The following POF1B variants were observed in gnomAD, a reference collection of about 807,000 sequenced individuals.
POF1B encodes the protein POF1B actin binding protein.
Under a neutral mutation model 55.3 loss-of-function variants are expected in POF1B, and 53 were observed. The ratio of observed to expected loss-of-function variants is 0.96; its 90% CI spans 0.77 to 1.20. POF1B has a LOEUF of 1.20. Among genes scored for constraint, POF1B ranks in the 50% most tolerant of loss-of-function variants. The probability of loss-of-function intolerance (pLI) is 0.00; values close to 1 mark genes in which losing one functional copy is unlikely to be tolerated. For synonymous variants in POF1B, 188 were observed against 148.3 expected, an observed-to-expected ratio of 1.27 and a Z score of -1.95; for missense variants, 478 against 420.5, an observed-to-expected ratio of 1.14 and a Z score of -1.20.
At chrX:85,309,391 A>G (rs781267086) in intron 9 of POF1B, among the ~76,000 whole-genome samples, 200 of 110,938 alleles carry the variant, frequency 1.8e-3, no homozygotes, top group Non-Finnish European at 2.8e-3. Flanking sequence ...GAAAAAAAAT[A>G]CTTTTCCCTA....
At chrX:85,286,197 G>A (rs1243277688) in intron 15 of POF1B, among the ~76,000 whole-genome samples, 2 of 111,183 alleles carry the variant, frequency 1.8e-5, no homozygotes, top group Non-Finnish European at 3.8e-5. Context: ...GGAAATGGAA[G>A]TTGATTATTA....
At chrX:85,376,083 T>C (rs1318161110) in intron 2 of POF1B, among the ~76,000 whole-genome samples, 1 of 111,512 alleles carries the variant, frequency 9.0e-6, no homozygotes, top group African/African-American at 3.3e-5. Context: ...AAAATCACAG[T>C]GTTTGCTAAA....
At chrX:85,365,387 T>C (rs765317219) in intron 3 of POF1B, among the ~76,000 whole-genome samples, 13 of 112,064 alleles carry the variant, frequency 1.2e-4, no homozygotes, top group Admixed American at 2.8e-4. Context: ...TGTGTGTGGG[T>C]GTTCCTTTAA....
chrX:85,357,472 T>C (rs1296915791), intron 4 of POF1B, among the ~76,000 whole-genome samples: 1 of 111,139 alleles, frequency 9.0e-6, no homozygotes, highest in Non-Finnish European at 1.9e-5. Flanking sequence ...TCATCTCATC[T>C]TCTCACCCAT....
chrX:85,320,565 A>G (rs1932827322), intron 7 of POF1B, among the ~76,000 whole-genome samples: 1 of 111,536 alleles, frequency 9.0e-6, no homozygotes, highest in African/African-American at 3.3e-5. Flanking sequence ...TTCAAAAGCT[A>G]GCAGAAGGCA....
rs1933441841 is a variant in POF1B at position 85,354,248 on chromosome X, A to G, written c.439-2797T>C. ...TATTGTAATATAATATTTAAAATCCATACTGTGTTTTAAATAATATTGATA... is the reference window on the plus strand; with the variant it reads ...TATTGTAATATAATATTTAAAATCCGTACTGTGTTTTAAATAATATTGATA... On this transcript the variant is annotated intron_variant, in intron 4 of 16. Transcript: ENST00000262753. Among the ~76,000 whole-genome samples, 3 of 111,018 alleles carry G rather than the reference A, an allele frequency of 2.7e-5. No homozygotes were observed. The Admixed American group carries it at 2.9e-4, about 11-fold the overall frequency.
At chrX:85,335,033 G>T (rs1391099925) in intron 6 of POF1B, among the ~76,000 whole-genome samples, 1 of 111,078 alleles carries the variant, frequency 9.0e-6, no homozygotes, top group Non-Finnish European at 1.9e-5. Context: ...TGTAGTCAAG[G>T]AACAAATGAC....
At chrX:85,312,971 CTGTT>C (rs1344645169) in intron 9 of POF1B, among the ~76,000 whole-genome samples, 1 of 111,648 alleles carries the variant, frequency 9.0e-6, no homozygotes, top group Non-Finnish European at 1.9e-5. Flanking sequence ...ATTTGGCCCT[CTGTT>C]TGTCTATTAT....
chrX:85,323,070 C>T (rs992329620), intron 7 of POF1B, among the ~76,000 whole-genome samples: 3 of 110,870 alleles, frequency 2.7e-5, no homozygotes, highest in African/African-American at 9.9e-5. Context: ...AGAAATACCA[C>T]TTGACCCAGC....
chrX:85,313,827 C>CT (rs1002113559), intron 9 of POF1B, among the ~76,000 whole-genome samples: 20 of 107,970 alleles, frequency 1.9e-4, no homozygotes, highest in East Asian at 5.8e-4. Context: ...TTTCTTTTTT[C>CT]TTTTTTTTTG....
intron 6 of POF1B, among the ~76,000 whole-genome samples, chrX:85,337,071 G>A (rs1933090575): frequency 8.9e-6 from 1 of 111,785 alleles, no homozygotes. Context: ...CCCAATGCGT[G>A]TTCATAGCAC....
chrX:85,296,246 G>T, intron 15 of POF1B, among the ~76,000 whole-genome samples: 1 of 111,636 alleles, frequency 9.0e-6, no homozygotes, highest in Admixed American at 9.5e-5. Context: ...TTCAAGGTTA[G>T]TTAGTATCGA....
chrX:85,370,084 G>A (rs904028043), intron 2 of POF1B, among the ~76,000 whole-genome samples: 5 of 111,944 alleles, frequency 4.5e-5, no homozygotes, highest in East Asian at 2.8e-4. Context: ...ATACAAAAGC[G>A]TACTAAGAAG....
At position 85,312,570 on chromosome X, in the gene POF1B, T is replaced by C. The variant is rs1303253552; in HGVS notation, c.957+1862A>G. ...GGTACCGGTACCATGCTGTTTTTGT[T>C]ACTGAAGCCTTGTAGTATAGTTTGA... On this transcript the variant is annotated intron_variant, in intron 9 of 16. Transcript: ENST00000262753. Among the ~76,000 whole-genome samples the C allele has an allele frequency of 2.7e-5, 3 of 111,650 alleles. No individual in the cohort carries two copies. The Admixed American group carries it at 2.9e-4, about 11-fold the overall frequency.
chrX:85,355,276 T>A (rs1364267892), intron 4 of POF1B, among the ~76,000 whole-genome samples: 2 of 111,733 alleles, frequency 1.8e-5, no homozygotes, highest in African/African-American at 3.3e-5. Flanking sequence ...TGAAACTGGA[T>A]CCCTTCCTTA....
At chrX:85,302,690 T>C (rs1932484985) in intron 15 of POF1B, among the ~76,000 whole-genome samples, 1 of 111,758 alleles carries the variant, frequency 8.9e-6, no homozygotes, top group Non-Finnish European at 1.9e-5. Context: ...TCCAACTGAT[T>C]AATCAATAAA....
intron 14 of POF1B, 115 bp downstream of exon 14, chrX:85,304,228 A>C: frequency 1.3e-6 from 1 of 765,250 alleles, no homozygotes; most frequent in South Asian, 6.2e-5. Flanking sequence ...TATTTCATTA[A>C]ATAAAGTGAC....
At chrX:85,328,172 A>G (rs757663092) in intron 7 of POF1B, among the ~76,000 whole-genome samples, 2 of 69,173 alleles carry the variant, frequency 2.9e-5, no homozygotes, top group South Asian at 1.4e-3. Context: ...TATCTTTTTT[A>G]TTTATTTATT....
Position 85,370,010 on chromosome X carries a change from A to T in POF1B, c.283-2244T>A, listed in dbSNP as rs1035256764. The stretch of plus-strand genomic sequence containing the variant: ...CTCTGTCCTTCTTGTAACCAATTCA[A>T]ATATGATGGCATTAGCAAATGAAAC... On this transcript the variant is annotated intron_variant, in intron 2 of 16. Transcript: ENST00000262753. 7.1e-5 allele frequency among the ~76,000 whole-genome samples: 8 copies of T among 111,929 alleles called. No individual in the cohort carries two copies. The South Asian group carries it at 1.1e-3, about 15-fold the overall frequency.
Sources: allele counts gnomAD v4.1 joint callset (sites outside exome capture counted in the v4.1 genomes callset), GRCh38; gene constraint gnomAD v4.1.1; transcripts MANE v1.5; gene names NCBI Gene and HGNC (gene_info 2026-07-23, HGNC 2026-07-21).